The following OPA3 variants were observed in gnomAD, a reference collection of about 807,000 sequenced individuals.
The protein encoded by OPA3 is outer mitochondrial membrane lipid metabolism regulator OPA3.
Under a neutral mutation model 4.0 loss-of-function variants are expected in OPA3, and 6 were observed. That is an observed-to-expected ratio of 1.51 (90% CI 0.83 to 2.99). OPA3 has a LOEUF of 2.99. OPA3 is among the 30% of genes most tolerant of loss of function. The pLI is 0.00. For missense variants in OPA3, 235 were observed against 256.2 expected, an observed-to-expected ratio of 0.92 and a Z score of 0.56; for synonymous variants, 105 against 117.1, an observed-to-expected ratio of 0.90 and a Z score of 0.67.
intron 1 of OPA3, among the ~76,000 whole-genome samples, chr19:45,572,647 T>C (rs1261314118): frequency 2.9e-5 from 4 of 138,244 alleles, no homozygotes; most frequent in Non-Finnish European, 6.1e-5. Flanking sequence ...TATATATCGA[T>C]ATATATCATA....
chr19:45,564,944 C>A lies in OPA3; in HGVS notation c.143-11033G>T, dbSNP rs201514325. Among the ~76,000 whole-genome samples the A allele has an allele frequency of 5.9e-5, 9 of 152,230 alleles. No individual in the cohort carries two copies. The East Asian group carries it at 1.4e-3, about 23-fold the overall frequency. On this transcript the variant is annotated intron_variant, in intron 1 of 1. Transcript: ENST00000263275. ...TTGTGATTTTAGTTAAAACTTTTCT[C>A]GGCCGGGCGTGGTGGCTCACGCCTG...
At chr19:45,576,981 G>T (rs1079272) in intron 1 of OPA3, among the ~76,000 whole-genome samples, 66,343 of 151,810 alleles carry the variant, frequency 0.44, 17,632 homozygotes, top group African/African-American at 0.74. Context: ...ACCAGTGCGC[G>T]CCAAAGGAAT....
Position 45,553,700 on chromosome 19 carries a change from G to A in OPA3, c.354C>T (p.Ala118=), listed in dbSNP as rs745763712. The change falls in exon 2 of 2, where the codon GCC becomes GCT. Residue 118 remains alanine, a synonymous_variant. Coordinates refer to ENST00000263275, the MANE Select transcript of OPA3 (RefSeq NM_025136.4). ...CCACCTCGTCCCGCAGCGCGTTCCA[G>A]GCAGCACGCTGCTCCTCCTCCTTGT... ...QRHKEEEQRA[A]WNALRDEVGH... 4 of 1,607,700 alleles carry A rather than the reference G, an allele frequency of 2.5e-6. No homozygotes were observed. The highest frequency in any genetic ancestry group is 2.2e-5 in the East Asian group (1 of 44,854).
At chr19:45,584,374 C>A (rs909434738) in intron 1 of OPA3, 20 of 985,274 alleles carry the variant, frequency 2.0e-5, no homozygotes, top group Non-Finnish European at 2.4e-5. Context: ...AGTCTCCAAG[C>A]GCTCTCTTCC....
At position 45,553,861 on chromosome 19, in the gene OPA3, C is replaced by T. The variant is rs1969381075; in HGVS notation, c.193G>A (p.Gly65Ser). The change falls in exon 2 of 2, where the codon GGC becomes AGC. Residue 65 changes from glycine to serine, a missense_variant. Physicochemically the swap from Gly to Ser is moderately conservative, Grantham distance 56. Coordinates refer to ENST00000263275, the MANE Select transcript of OPA3 (RefSeq NM_025136.4). ...RTKMRIMGFR[G>S]TVIKPLNEEA... The stretch of plus-strand genomic sequence containing the variant: ...TCGTTCAGCGGCTTGATGACCGTGC[C>T]CCGGAAGCCCATGATGCGCATCTTG... 1 of 1,611,652 alleles carries T rather than the reference C, an allele frequency of 6.2e-7. No individual in the cohort carries two copies. The highest frequency in any genetic ancestry group is 1.7e-5 in the Admixed American group (1 of 59,954).
chr19:45,573,964 A>G (rs933072647), intron 1 of OPA3, among the ~76,000 whole-genome samples: 1 of 151,722 alleles, frequency 6.6e-6, no homozygotes, highest in African/African-American at 2.4e-5. Flanking sequence ...GGAGTTGGAG[A>G]CCAGCCTGAC....
rs1209667626 is a variant in OPA3 at position 45,546,580 on chromosome 19, T to TA, written c.*6933dup. The TA allele has an allele frequency of 4.9e-6, 1 of 202,760 alleles. No homozygotes were observed. Among genetic ancestry groups the TA allele is most frequent in the Non-Finnish European group, 8.7e-6 (1 of 114,784 alleles). 12.6% of individuals were successfully genotyped at this position (202,760 alleles called of 1,614,324 possible). On this transcript the variant is annotated 3_prime_UTR_variant, in exon 2 of 2. Transcript: ENST00000263275. The stretch of plus-strand genomic sequence containing the variant: ...GCCTGATCTCAGTTCACTGCAGCCT[T>TA]AAACACCCGGGTTCAAGCGATCCTC...
At chr19:45,537,396 C>CAA (rs1181396046) in intron 1 of OPA3, among the ~76,000 whole-genome samples, 2,401 of 28,804 alleles carry the variant, frequency 0.083, 554 homozygotes, top group Non-Finnish European at 0.1. Context: ...GACTCTGTCT[C>CAA]AAAAAAAAAA....
At chr19:45,580,381 C>T (rs1479709409) in intron 1 of OPA3, among the ~76,000 whole-genome samples, 1 of 150,322 alleles carries the variant, frequency 6.7e-6, no homozygotes, top group Non-Finnish European at 1.5e-5. Flanking sequence ...GCAACCTCCA[C>T]CTCCTGGGTT....
At chr19:45,563,316 T>C (rs1451921454) in intron 1 of OPA3, among the ~76,000 whole-genome samples, 2 of 151,936 alleles carry the variant, frequency 1.3e-5, no homozygotes, top group African/African-American at 4.8e-5. Flanking sequence ...CCCGCCACCA[T>C]GCCCAGCTAA....
At chr19:45,540,634 G>A (rs1969175375) in intron 1 of OPA3, among the ~76,000 whole-genome samples, 2 of 151,668 alleles carry the variant, frequency 1.3e-5, no homozygotes, top group Admixed American at 6.6e-5. Context: ...GGGAGGCTGA[G>A]GCGGGCGGAT....
chr19:45,539,223 G>C (rs558249247), intron 1 of OPA3, among the ~76,000 whole-genome samples: 2 of 152,256 alleles, frequency 1.3e-5, no homozygotes, highest in Admixed American at 6.5e-5. Flanking sequence ...CAGTTGTAGG[G>C]TAACAAAACT....
Position 45,549,583 on chromosome 19 carries a change from C to A in OPA3, c.*3931G>T. ...GCAACCTCCACCTCCTGGGTTCAAG[C>A]AATTCTCGTGCCTCAGCCTCCCGAG... On this transcript the variant is annotated 3_prime_UTR_variant, in exon 2 of 2. Transcript: ENST00000263275. 1 of 823,998 alleles carries A rather than the reference C, an allele frequency of 1.2e-6. No individual in the cohort carries two copies. Among genetic ancestry groups the A allele is most frequent in the South Asian group, 5.6e-5 (1 of 18,012 alleles). The allele number at this position is 823,998 out of a possible 1,614,324, so 51.0% of individuals were successfully genotyped here.
In OPA3 at chr19:45,553,173, T is replaced by G; in HGVS notation, c.*341A>C. The stretch of plus-strand genomic sequence containing the variant: ...TAACACTGATCAGGTAAACCGGGGG[T>G]GGGGGTAACAATAACACATTGATTC... On this transcript the variant is annotated 3_prime_UTR_variant, in exon 2 of 2. Transcript: ENST00000263275. 5.6e-6 allele frequency: 7 copies of G among 1,255,282 alleles called. No individual in the cohort carries two copies. Among genetic ancestry groups the G allele is most frequent in the East Asian group, 8.2e-5 (2 of 24,412 alleles). The allele number at this position is 1,255,282 out of a possible 1,614,324, so 77.8% of individuals were successfully genotyped here. A position where few individuals can be genotyped will look rare whatever the true frequency, so the allele number is the denominator to read the frequency against.
chr19:45,543,855 CTG>C (rs1243119752), downstream of OPA3, among the ~76,000 whole-genome samples: 1 of 152,192 alleles, frequency 6.6e-6, no homozygotes, highest in Non-Finnish European at 1.5e-5. Flanking sequence ...GCATCTCTAA[CTG>C]TAAACCTCTC....
At position 45,550,987 on chromosome 19, in the gene OPA3, G is replaced by A. The variant is rs1969324231; in HGVS notation, c.*2527C>T. The A allele has an allele frequency of 3.6e-5, 35 of 982,652 alleles. No individual in the cohort carries two copies. Among genetic ancestry groups the A allele is most frequent in the Non-Finnish European group, 4.0e-5 (33 of 827,564 alleles). The allele number at this position is 982,652 out of a possible 1,614,324, so 60.9% of individuals were successfully genotyped here. Reference sequence around the variant, plus strand: ...CAGGGTACTTTTTTTCTGAGAAAGGGTCTCACTCTGTCATCCAGGCTGGAG... The same window carrying A: ...CAGGGTACTTTTTTTCTGAGAAAGGATCTCACTCTGTCATCCAGGCTGGAG... On this transcript the variant is annotated 3_prime_UTR_variant, in exon 2 of 2. Coordinates refer to ENST00000263275, the MANE Select transcript of OPA3 (RefSeq NM_025136.4).
downstream of OPA3, among the ~76,000 whole-genome samples, chr19:45,542,457 C>T (rs1364098214): frequency 6.6e-6 from 1 of 152,174 alleles, no homozygotes; most frequent in African/African-American, 2.4e-5. Context: ...CTTTCTGCTC[C>T]TAGGCTATAA....
At chr19:45,579,779 T>C (rs937374181) in intron 1 of OPA3, among the ~76,000 whole-genome samples, 3 of 152,102 alleles carry the variant, frequency 2.0e-5, no homozygotes, top group African/African-American at 7.2e-5. Context: ...TACCTCATCA[T>C]AACTGGTGAG....
intron 1 of OPA3, among the ~76,000 whole-genome samples, chr19:45,572,311 C>T (rs1160343915): frequency 1.7e-5 from 2 of 119,508 alleles, no homozygotes; most frequent in South Asian, 2.6e-4. Flanking sequence ...TATATATCGA[C>T]ATATATGAGA....
Sources: allele counts gnomAD v4.1 joint callset (sites outside exome capture counted in the v4.1 genomes callset), GRCh38; gene constraint gnomAD v4.1.1; transcripts MANE v1.5; gene names NCBI Gene and HGNC (gene_info 2026-07-23, HGNC 2026-07-21).